The following STOX2 variants were observed in gnomAD, a reference collection of about 807,000 sequenced individuals.
STOX2 encodes the protein storkhead-box protein 2.
A neutral mutation model predicts 60.9 loss-of-function variants in STOX2; 28 were observed. That is an observed-to-expected ratio of 0.46 (90% CI 0.34 to 0.63). The LOEUF (loss-of-function observed/expected upper bound fraction) is 0.63. Ranked by LOEUF, STOX2 falls within the 30% of genes least tolerant of loss-of-function variation. The probability of loss-of-function intolerance (pLI) is 0.01; values close to 1 mark genes in which losing one functional copy is unlikely to be tolerated. For missense variants in STOX2, 1,024 were observed against 1,187.7 expected (o/e 0.86, Z 2.03); for synonymous variants, 472 against 463.9 (o/e 1.02, Z -0.22).
rs11310177 is a variant in STOX2 at position 183,831,989 on chromosome 4, CTT to C, written c.364+33950_364+33951del. Among the ~76,000 whole-genome samples the C allele has an allele frequency of 8.6e-3, 1,169 of 135,738 alleles. 15 individuals carry two copies. Among genetic ancestry groups the C allele is most frequent in the African/African-American group, 0.029 (1,081 of 36,784 alleles). 89.0% of individuals were successfully genotyped at this position (135,738 alleles called of 152,430 possible). A position where few individuals can be genotyped will look rare whatever the true frequency, so the allele number is the denominator to read the frequency against. On this transcript the variant is annotated intron_variant, in intron 1 of 2. Coordinates refer to the STOX2 transcript ENST00000513034. The stretch of plus-strand genomic sequence containing the variant: ...AGTTCATTCATTTCTTCTTCTTCTT[CTT>C]TTTTTTTTTTTTTTTGAGACAGAGT...
At chr4:183,936,433 CA>C (rs1742593825) in intron 1 of STOX2, among the ~76,000 whole-genome samples, 1 of 150,052 alleles carries the variant, frequency 6.7e-6, no homozygotes, top group East Asian at 1.9e-4. Context: ...TTTTTTTCCG[CA>C]GTGGATCATG....
At chr4:183,956,203 G>A (rs950274204) in intron 1 of STOX2, among the ~76,000 whole-genome samples, 10 of 152,052 alleles carry the variant, frequency 6.6e-5, no homozygotes, top group Admixed American at 3.9e-4. Flanking sequence ...TTTACACCTC[G>A]CCGTTAACAA....
At chr4:183,944,254 C>G (rs916128268) in intron 1 of STOX2, among the ~76,000 whole-genome samples, 1 of 152,218 alleles carries the variant, frequency 6.6e-6, no homozygotes, top group African/African-American at 2.4e-5. Context: ...CTGCCCTACT[C>G]CTCCATGTCC....
intron 1 of STOX2, among the ~76,000 whole-genome samples, chr4:183,935,972 C>A (rs1235926838): frequency 6.6e-6 from 1 of 152,172 alleles, no homozygotes. Flanking sequence ...TTGAAATGAA[C>A]CCTGTGCATT....
At position 183,997,612 on chromosome 4, in the gene STOX2, G is replaced by A. The variant is rs543047881; in HGVS notation, c.167-3713G>A. Among the ~76,000 whole-genome samples the A allele has an allele frequency of 7.9e-5, 12 of 152,362 alleles. No homozygotes were observed. The East Asian group carries it at 2.3e-3, about 29-fold the overall frequency. ...CAAGTTCTTATGAAGGACCAGGTGAGAGATGATGGCAGTTTAAGGGAGCTC... is the reference window on the plus strand; with the variant it reads ...CAAGTTCTTATGAAGGACCAGGTGAAAGATGATGGCAGTTTAAGGGAGCTC... On this transcript the variant is annotated intron_variant, in intron 1 of 3. Coordinates refer to ENST00000308497, the MANE Select transcript of STOX2 (RefSeq NM_020225.3).
intron 1 of STOX2, among the ~76,000 whole-genome samples, chr4:183,801,553 TTC>T (rs1738763436): frequency 6.6e-6 from 1 of 152,208 alleles, no homozygotes; most frequent in African/African-American, 2.4e-5. Flanking sequence ...AAGCAGTTAC[TTC>T]TGTCTTGTGA....
At chr4:183,909,331 TACAA>T (rs1741713006) in intron 1 of STOX2, among the ~76,000 whole-genome samples, 1 of 152,232 alleles carries the variant, frequency 6.6e-6, no homozygotes, top group African/African-American at 2.4e-5. Flanking sequence ...TGACTTTGGA[TACAA>T]ACAGAGCCTT....
Position 184,021,377 on chromosome 4 carries a change from T to C in STOX2, c.*4093T>C, listed in dbSNP as rs1022635155. The C allele has an allele frequency of 1.3e-5, 2 of 152,152 alleles. No homozygotes were observed. Among genetic ancestry groups the C allele is most frequent in the African/African-American group, 4.8e-5 (2 of 41,414 alleles). 9.4% of individuals were successfully genotyped at this position (152,152 alleles called of 1,614,324 possible). On this transcript the variant is annotated 3_prime_UTR_variant, in exon 4 of 4. Transcript: ENST00000308497. ...TGAGAAATCACAAAATACAATGCTA[T>C]TTTTCTGATGTGTGCTAATAAAGTC...
At chr4:183,891,358 T>A (rs1348545860) in intron 1 of STOX2, among the ~76,000 whole-genome samples, 12 of 85,132 alleles carry the variant, frequency 1.4e-4, no homozygotes, top group Non-Finnish European at 2.1e-4. Flanking sequence ...ATGATGGAAT[T>A]TATATATATA....
At chr4:183,889,129 G>A (rs1741149264) in intron 1 of STOX2, among the ~76,000 whole-genome samples, 1 of 151,936 alleles carries the variant, frequency 6.6e-6, no homozygotes, top group Non-Finnish European at 1.5e-5. Context: ...GGGTTGAACT[G>A]CATCCCTCAC....
intron 1 of STOX2, among the ~76,000 whole-genome samples, chr4:183,946,182 A>C (rs1362111894): frequency 6.6e-6 from 1 of 151,502 alleles, no homozygotes; most frequent in African/African-American, 2.5e-5. Context: ...AAATGGCAGG[A>C]TAGCATCATG....
In STOX2 at chr4:184,001,380, C is replaced by A; in HGVS notation, c.222C>A (p.Leu74=). Residue 74 remains leucine, a synonymous_variant, in exon 2 of 4, where the codon CTC becomes CTA. Transcript: ENST00000308497. The surrounding 1 kb of genome is among the most constrained non-coding windows in gnomAD (Gnocchi z 4.2). Reference sequence around the variant, plus strand: ...TCAGTCAGTCTCAGTTTATTCCACTCGGGGAGATCCTCTGCTTGGCCATCT... The same window carrying A: ...TCAGTCAGTCTCAGTTTATTCCACTAGGGGAGATCCTCTGCTTGGCCATCT... The part of the protein sequence containing the change: ...SPISQSQFIP[L]GEILCLAISA... The A allele has an allele frequency of 6.2e-7, 1 of 1,613,806 alleles. No individual in the cohort carries two copies. Among genetic ancestry groups the A allele is most frequent in the Non-Finnish European group, 8.5e-7 (1 of 1,179,822 alleles).
At chr4:183,874,733 T>C (rs1408312535) in intron 1 of STOX2, among the ~76,000 whole-genome samples, 7 of 150,942 alleles carry the variant, frequency 4.6e-5, no homozygotes, top group Non-Finnish European at 8.9e-5. Context: ...GAGACCATCC[T>C]GGCTAACACG....
chr4:183,953,861 C>T (rs553618732), intron 1 of STOX2, among the ~76,000 whole-genome samples: 1 of 152,246 alleles, frequency 6.6e-6, no homozygotes, highest in South Asian at 2.1e-4. Flanking sequence ...CCACCACACT[C>T]GACCTTACAC....
At chr4:183,923,736 A>C (rs571162130) in intron 1 of STOX2, among the ~76,000 whole-genome samples, 1 of 152,232 alleles carries the variant, frequency 6.6e-6, no homozygotes, top group African/African-American at 2.4e-5. Flanking sequence ...TGTAGTGAAG[A>C]GCTTAGAATA....
intron 1 of STOX2, among the ~76,000 whole-genome samples, chr4:183,952,012 T>C (rs374255963): frequency 5.9e-5 from 9 of 152,302 alleles, no homozygotes; most frequent in African/African-American, 2.2e-4. Context: ...TCTAGCCTTT[T>C]GTAGTTTCCC....
intron 1 of STOX2, among the ~76,000 whole-genome samples, chr4:183,935,126 A>G (rs1742550588): frequency 6.6e-6 from 1 of 152,244 alleles, no homozygotes; most frequent in African/African-American, 2.4e-5. Flanking sequence ...TGTAAAATGG[A>G]GTTCTGTTCT....
At chr4:183,892,698 A>T (rs979588622) in intron 1 of STOX2, among the ~76,000 whole-genome samples, 2 of 152,166 alleles carry the variant, frequency 1.3e-5, no homozygotes, top group East Asian at 3.9e-4. Context: ...TGACATGGAA[A>T]AGCAAACTGG....
intron 1 of STOX2, among the ~76,000 whole-genome samples, chr4:183,864,123 A>G (rs1740512045): frequency 6.6e-6 from 1 of 152,172 alleles, no homozygotes; most frequent in East Asian, 1.9e-4. Flanking sequence ...TTCTCAGAAA[A>G]AAAAGTTTTG....
Sources: allele counts gnomAD v4.1 joint callset (sites outside exome capture counted in the v4.1 genomes callset), GRCh38; gene constraint gnomAD v4.1.1; non-coding constraint Gnocchi (gnomAD v3.1); transcripts MANE v1.5; gene names NCBI Gene and HGNC (gene_info 2026-07-23, HGNC 2026-07-21).